Variants in LIG1 observed in about 807,000 individuals in gnomAD.
LIG1 encodes ligase I, DNA, ATP-dependent.
Under a neutral mutation model 115.7 loss-of-function variants are expected in LIG1, and 70 were observed. The observed-to-expected ratio is 0.60, with a 90% confidence interval of 0.50 to 0.74. LIG1 has a LOEUF of 0.74. Among genes scored for constraint, LIG1 ranks in the 30% least tolerant of loss-of-function variants. The pLI is 0.00. For missense variants in LIG1, 1,115 were observed against 1,225.6 expected, an observed-to-expected ratio of 0.91 and a Z score of 1.35; for synonymous variants, 487 against 495.3, an observed-to-expected ratio of 0.98 and a Z score of 0.22.
intron 11 of LIG1, among the ~76,000 whole-genome samples, chr19:48,142,254 A>G (rs148260832): frequency 0.011 from 1,746 of 152,018 alleles, 40 homozygotes; most frequent in African/African-American, 0.039. Flanking sequence ...TGGCTAACAC[A>G]GTGAAACCCC....
chr19:48,136,183 C>T (rs956866718), intron 14 of LIG1, 58 bp from the exon 15 acceptor site: 2 of 1,289,586 alleles, frequency 1.6e-6, no homozygotes, highest in Non-Finnish European at 2.2e-6. Flanking sequence ...ATCTTGCCTC[C>T]TCCCTTCTCT....
chr19:48,131,407 G>A (rs1245638597), intron 18 of LIG1, among the ~76,000 whole-genome samples: 1 of 152,176 alleles, frequency 6.6e-6, no homozygotes, highest in Non-Finnish European at 1.5e-5. Flanking sequence ...CCCCATGTAG[G>A]CACATGCACC....
chr19:48,163,682 A>G (rs970829541), intron 2 of LIG1, among the ~76,000 whole-genome samples: 6 of 150,864 alleles, frequency 4.0e-5, no homozygotes, highest in East Asian at 2.0e-4. Flanking sequence ...GGTGGCTCAC[A>G]CCTGTAATCC....
Position 48,115,943 on chromosome 19 carries a change from G to A in LIG1, c.2606C>T (p.Ser869Phe). ...TCGAATAAACCGAGGGAAGCGAAGG[G>A]AGATGCCCTTGTCACTATCCACCTG... ...RGLVDSDKGI[S>F]LRFPRFIRVR... The change falls in exon 27 of 28, where the codon TCC becomes TTC. Residue 869 changes from serine to phenylalanine, a missense_variant. Transcript: ENST00000263274. 6.2e-7 allele frequency: 1 copy of A among 1,613,870 alleles called. No homozygotes were observed.
chr19:48,156,873 G>A (rs551544419), intron 5 of LIG1, 141 bp downstream of exon 5: 26 of 659,828 alleles, frequency 3.9e-5, no homozygotes, highest in South Asian at 1.8e-4. Context: ...CCCGGGAGGC[G>A]GAGGTCAGTG....
chr19:48,119,105 G>A (rs1317590885), intron 25 of LIG1, 32 bp downstream of exon 25: 1 of 1,537,930 alleles, frequency 6.5e-7, no homozygotes, highest in Non-Finnish European at 8.8e-7. Context: ...GGGGAGAGGG[G>A]TGGAGGCTGA....
chr19:48,161,209 A>T, intron 4 of LIG1, 163 bp downstream of exon 4: 1 of 1,001,628 alleles, frequency 1.0e-6, no homozygotes, highest in Non-Finnish European at 1.6e-6. Flanking sequence ...GGGCAGGGGC[A>T]ATTAGGACCA....
chr19:48,127,080 A>G, intron 21 of LIG1, 197 bp downstream of exon 21: 1 of 598,998 alleles, frequency 1.7e-6, no homozygotes, highest in African/African-American at 1.8e-5. Flanking sequence ...AAAGAGAGGG[A>G]CCTTGAAGAT....
chr19:48,123,517 C>T (rs551073867), intron 21 of LIG1, 199 bp from the exon 22 acceptor site: 7 of 636,326 alleles, frequency 1.1e-5, no homozygotes, highest in East Asian at 2.8e-5. Flanking sequence ...CAAGAGGGCC[C>T]GACACCATTT....
At chr19:48,158,205 A>C (rs563214033) in intron 4 of LIG1, among the ~76,000 whole-genome samples, 2 of 152,346 alleles carry the variant, frequency 1.3e-5, no homozygotes, top group South Asian at 4.1e-4. Flanking sequence ...ACTGGTCTGA[A>C]GTATTCCTTT....
intron 2 of LIG1, 55 bp from the exon 3 acceptor site, chr19:48,162,406 C>G: frequency 1.6e-6 from 2 of 1,246,412 alleles, no homozygotes; most frequent in Non-Finnish European, 2.4e-6. Flanking sequence ...CAATACCCTG[C>G]CTATCTATGC....
At chr19:48,149,073 G>A (rs1027716946) in intron 9 of LIG1, among the ~76,000 whole-genome samples, 11 of 152,328 alleles carry the variant, frequency 7.2e-5, no homozygotes, top group African/African-American at 1.7e-4. Flanking sequence ...ACTTTGGGAG[G>A]CCGAGGTGGG....
At position 48,115,919 on chromosome 19, in the gene LIG1, C is replaced by T. The variant is rs775226298; in HGVS notation, c.2630G>A (p.Arg877Gln). 8 of 1,613,868 alleles carry T rather than the reference C, an allele frequency of 5.0e-6. No individual in the cohort carries two copies. Among genetic ancestry groups the T allele is most frequent in the African/African-American group, 2.7e-5 (2 of 74,906 alleles). Reference protein sequence around the residue: ...GISLRFPRFIRVREDKQPEQA... With the variant: ...GISLRFPRFIQVREDKQPEQA... ...CTCCGGCTGCTTGTCTTCACGGACT[C>T]GAATAAACCGAGGGAAGCGAAGGGA... Residue 877 changes from arginine to glutamine, a missense_variant, in exon 27 of 28, where the codon CGA becomes CAA. Arg to Gln is a conservative substitution (Grantham distance 43, BLOSUM62 1). Transcript: ENST00000263274.
intron 6 of LIG1, among the ~76,000 whole-genome samples, chr19:48,153,108 T>A (rs1016534863): frequency 6.7e-6 from 1 of 148,384 alleles, no homozygotes; most frequent in African/African-American, 2.5e-5. Context: ...GGTGGGAGAA[T>A]CGCTTGAGCC....
intron 15 of LIG1, 120 bp from the exon 16 acceptor site, chr19:48,135,899 C>A (rs560737605): frequency 2.2e-6 from 2 of 915,886 alleles, no homozygotes; most frequent in Non-Finnish European, 3.5e-6. Flanking sequence ...ACGCCCCCTC[C>A]CCCCCACCCA....
intron 1 of LIG1, chr19:48,165,903 G>T (rs890563068): frequency 4.8e-6 from 2 of 413,802 alleles, no homozygotes; most frequent in Non-Finnish European, 8.8e-6. Flanking sequence ...CCTGAAATGG[G>T]TTTTTTTGGA....
intron 1 of LIG1, among the ~76,000 whole-genome samples, chr19:48,168,508 T>C (rs1044414181): frequency 2.0e-5 from 3 of 151,944 alleles, no homozygotes; most frequent in Admixed American, 1.3e-4. Flanking sequence ...CCACCTGGCG[T>C]CTCTATCGGA....
At chr19:48,132,088 G>A (rs750862164) in intron 18 of LIG1, among the ~76,000 whole-genome samples, 5 of 151,816 alleles carry the variant, frequency 3.3e-5, no homozygotes, top group Admixed American at 1.3e-4. Context: ...ACAGGCACAC[G>A]CCACCACACT....
rs1299966823 is a variant in LIG1, at chr19:48,136,141, G to A, written c.1332-16C>T. The stretch of plus-strand genomic sequence containing the variant: ...GCTCAGGGACCTGGGGAGAGAGCAG[G>A]CCAGGGAAGGGGGCTTGTCTGCACC... On this transcript the variant is annotated splice_polypyrimidine_tract_variant and intron_variant, in intron 14 of 27. Transcript: ENST00000263274. The A allele has an allele frequency of 6.4e-7, 1 of 1,552,464 alleles. No individual in the cohort carries two copies. The highest frequency in any genetic ancestry group is 1.9e-5 in the Admixed American group (1 of 52,170).
Sources: allele counts gnomAD v4.1 joint callset (sites outside exome capture counted in the v4.1 genomes callset), GRCh38; gene constraint gnomAD v4.1.1; transcripts MANE v1.5; gene names NCBI Gene and HGNC (gene_info 2026-07-23, HGNC 2026-07-21).